The following ELN variants were observed in gnomAD, a reference collection of about 807,000 sequenced individuals.
ELN encodes elastin.
A neutral mutation model predicts 105.8 loss-of-function variants in ELN; 65 were observed. The observed-to-expected ratio is 0.61, with a 90% CI of 0.50 to 0.75. The LOEUF (loss-of-function observed/expected upper bound fraction) is 0.75. Ranked by LOEUF, ELN falls within the 30% of genes least tolerant of loss-of-function variation. The pLI, the probability that ELN is intolerant of heterozygous loss-of-function variation, is 0.00. For synonymous variants in ELN, 368 were observed against 389.2 expected (o/e 0.95, Z 0.64); for missense variants, 882 against 969.4 (o/e 0.91, Z 1.20).
In ELN at chr7:74,065,692, A is replaced by C. The variant is rs1440841207; in HGVS notation, c.1994-2A>C. 2 of 1,611,512 alleles carry C rather than the reference A, an allele frequency of 1.2e-6. No individual in the cohort carries two copies. The highest frequency in any genetic ancestry group is 1.7e-6 in the Non-Finnish European group (2 of 1,179,532). On this transcript the variant is annotated splice_acceptor_variant, in intron 29 of 32. Transcript: ENST00000252034. LOFTEE classifies it high-confidence loss of function. Reference sequence around the variant, plus strand: ...GAGCCGTCATGTGCCTCATCTCCCCAGGTATACCTCCAGCTGCAGCCGCTA... The same window carrying C: ...GAGCCGTCATGTGCCTCATCTCCCCCGGTATACCTCCAGCTGCAGCCGCTA...
rs781788226 is a variant in ELN, at chr7:74,042,655, G to C, written c.274G>C (p.Val92Leu). Residue 92 changes from valine (V) to leucine (L), a missense_variant, in exon 6 of 33, where the codon GTG becomes CTG. Coordinates refer to ENST00000252034, the MANE Select transcript of ELN (RefSeq NM_000501.4). The part of the protein sequence containing the change: ...FPAVTFPGAL[V>L]PGGVADAAAA... Reference sequence around the variant, plus strand: ...CGCAGTTACCTTTCCGGGGGCTCTGGTGCCTGGTGGAGTGGCTGACGCTGC... The same window carrying C: ...CGCAGTTACCTTTCCGGGGGCTCTGCTGCCTGGTGGAGTGGCTGACGCTGC... 2 of 1,613,688 alleles carry C rather than the reference G, an allele frequency of 1.2e-6. No homozygotes were observed. Among genetic ancestry groups the C allele is most frequent in the Non-Finnish European group, 1.7e-6 (2 of 1,180,020 alleles).
chr7:74,036,107 G>A (rs541868691), intron 2 of ELN, among the ~76,000 whole-genome samples: 2 of 151,918 alleles, frequency 1.3e-5, no homozygotes, highest in East Asian at 1.9e-4. Flanking sequence ...TGGCTAACAC[G>A]GTGAAACCCT....
At chr7:74,065,670 C>G in intron 29 of ELN, 24 bp from the exon 30 acceptor site, 5 of 1,613,414 alleles carry the variant, frequency 3.1e-6, no homozygotes, top group Non-Finnish European at 4.2e-6. Flanking sequence ...CATTCCTGAG[C>G]CGTCATGTGC....
intron 10 of ELN, chr7:74,045,786 T>C (rs1049039465): frequency 9.6e-6 from 3 of 311,640 alleles, no homozygotes; most frequent in South Asian, 3.3e-5. Flanking sequence ...CAGTGGCTCA[T>C]GCCTGTAATC....
intron 10 of ELN, 31 bp downstream of exon 10, chr7:74,045,324 G>T: frequency 1.2e-6 from 2 of 1,612,600 alleles, no homozygotes; most frequent in Admixed American, 1.7e-5. Flanking sequence ...AGGGCTGATG[G>T]CAGGGACTCT....
At chr7:74,055,510 C>G (rs2132029757) in intron 19 of ELN, among the ~76,000 whole-genome samples, 1 of 151,328 alleles carries the variant, frequency 6.6e-6, no homozygotes, top group Admixed American at 6.6e-5. Flanking sequence ...GATAGAGTCT[C>G]ACTCTGTCGC....
At chr7:74,034,130 G>A (rs1211230396) in intron 1 of ELN, among the ~76,000 whole-genome samples, 5 of 152,308 alleles carry the variant, frequency 3.3e-5, no homozygotes, top group East Asian at 3.9e-4. Flanking sequence ...AAGACAGCCC[G>A]TGTCAGACGG....
rs1797274889 is a variant in ELN at position 74,063,809 on chromosome 7, A to G, written c.1993+114A>G. 17 of 1,456,002 alleles carry G rather than the reference A, an allele frequency of 1.2e-5. No homozygotes were observed. The highest frequency in any genetic ancestry group is 1.7e-4 in the Middle Eastern group (1 of 5,792). The allele number at this position is 1,456,002 out of a possible 1,614,324, so 90.2% of individuals were successfully genotyped here. A position where few individuals can be genotyped will look rare whatever the true frequency, so the allele number is the denominator to read the frequency against. ...CCCACCCCTGGCACGTCTTTGCTCAAGATGTCCTCTTGGCCAGGTGCGGTG... is the reference window on the plus strand; with the variant it reads ...CCCACCCCTGGCACGTCTTTGCTCAGGATGTCCTCTTGGCCAGGTGCGGTG... On this transcript the variant is annotated intron_variant, in intron 29 of 32. Transcript: ENST00000252034. The surrounding 1 kb of genome is among the most constrained non-coding windows in gnomAD (Gnocchi z 4.1).
rs1554667467 is a variant in ELN, at chr7:74,039,855, C to A, written c.197-1361C>A. On this transcript the variant is annotated intron_variant, in intron 4 of 32. Transcript: ENST00000252034. ...AGCCTCATCGGAGAGGCAAATTGAC[C>A]TGCTTGTGCTCATGGAGGCTGGGTA... Among the ~76,000 whole-genome samples, 3 of 152,236 alleles carry A rather than the reference C, an allele frequency of 2.0e-5. No homozygotes were observed. In the South Asian group the frequency reaches 6.2e-4, roughly 31 times the overall value.
intron 8 of ELN, 160 bp downstream of exon 8, chr7:74,043,328 A>C: frequency 8.9e-7 from 1 of 1,125,030 alleles, no homozygotes; most frequent in Non-Finnish European, 1.3e-6. Flanking sequence ...GCGTCTGTGA[A>C]ATGGGGAGGA....
chr7:74,037,866 G>T, intron 4 of ELN, 127 bp downstream of exon 4: 1 of 1,405,516 alleles, frequency 7.1e-7, no homozygotes, highest in South Asian at 1.2e-5. Context: ...GGAGGAAGGA[G>T]GGAGGTGTGG....
chr7:74,047,839 G>A lies in ELN; in HGVS notation c.685+123G>A, dbSNP rs1792929355. On this transcript the variant is annotated intron_variant, in intron 13 of 32. Coordinates refer to ENST00000252034, the MANE Select transcript of ELN (RefSeq NM_000501.4). ...CTCGCTGGGGCAGGGTTGGGGTCTT[G>A]GAGTGGGAATCTCAGAAGGAAAGGG... 1.6e-5 allele frequency: 23 copies of A among 1,399,298 alleles called. No homozygotes were observed. The South Asian group carries it at 2.6e-4, about 16-fold the overall frequency. 86.7% of individuals were successfully genotyped at this position (1,399,298 alleles called of 1,614,324 possible).
intron 10 of ELN, chr7:74,045,768 G>C: frequency 3.3e-6 from 1 of 305,554 alleles, no homozygotes; most frequent in Non-Finnish European, 6.3e-6. Flanking sequence ...AGAAAAGAGG[G>C]CCAGATGCAG....
At chr7:74,046,480 C>T (rs1382583258) in intron 11 of ELN, among the ~76,000 whole-genome samples, 3 of 152,236 alleles carry the variant, frequency 2.0e-5, no homozygotes, top group Non-Finnish European at 2.9e-5. Flanking sequence ...GGGCCCAGGC[C>T]CCAGGAGGGA....
At chr7:74,036,648 A>G in intron 3 of ELN, 64 bp downstream of exon 3, 1 of 1,610,970 alleles carries the variant, frequency 6.2e-7, no homozygotes. Context: ...AGCCACATGC[A>G]TCCTCAGACC....
chr7:74,036,544 T>TC lies in ELN; in HGVS notation c.134-5dup, dbSNP rs782192434. ...CCGATGATCTCTCTTTCTCTTTCTCTCCCCCCACAGGGGCTGGTCTCGGAG... is the reference window on the plus strand; with the variant it reads ...CCGATGATCTCTCTTTCTCTTTCTCTCCCCCCCACAGGGGCTGGTCTCGGAG... On this transcript the variant is annotated splice_polypyrimidine_tract_variant and intron_variant, in intron 2 of 32. Transcript: ENST00000252034. 2.5e-6 allele frequency: 4 copies of TC among 1,613,326 alleles called. No homozygotes were observed. The Admixed American group carries it at 5.0e-5, about 20-fold the overall frequency.
chr7:74,057,609 ACT>A (rs782646133), intron 21 of ELN, 29 bp from the exon 22 acceptor site: 3 of 1,610,192 alleles, frequency 1.9e-6, no homozygotes, highest in Middle Eastern at 1.7e-4. Context: ...GTGAGAGATT[ACT>A]CTCTCACCCC....
intron 22 of ELN, among the ~76,000 whole-genome samples, chr7:74,058,842 T>A (rs965963229): frequency 1.6e-4 from 25 of 152,158 alleles, no homozygotes; most frequent in Admixed American, 3.9e-4. Flanking sequence ...AAGGTTCAGA[T>A]CAGAATCTCT....
chr7:74,067,933 C>CAACA (rs1798313013), intron 32 of ELN, among the ~76,000 whole-genome samples: 1 of 19,888 alleles, frequency 5.0e-5, no homozygotes, highest in African/African-American at 1.3e-4. Flanking sequence ...GATTGCGTCT[C>CAACA]AAAAAAAAAA....
Sources: gnomAD v4.1 joint callset for allele counts (sites outside exome capture counted in the v4.1 genomes callset) on GRCh38, gnomAD v4.1.1 for gene constraint, Gnocchi (gnomAD v3.1) non-coding constraint, MANE v1.5 for transcripts, NCBI Gene and HGNC (gene_info 2026-07-23, HGNC 2026-07-21) for gene names.